Variants in XKR9 observed in about 807,000 individuals in gnomAD.
The protein encoded by XKR9 is XK-related protein 9.
Under a neutral mutation model 32.0 loss-of-function variants are expected in XKR9, and 32 were observed. The observed-to-expected ratio is 1.00, with a 90% CI of 0.76 to 1.34. The LOEUF is 1.34. XKR9 is among the 40% of genes most tolerant of loss of function. The pLI, the probability that XKR9 is intolerant of heterozygous loss-of-function variation, is 0.00. For synonymous variants in XKR9, 168 were observed against 143.4 expected (o/e 1.17, Z -1.22); for missense variants, 546 against 429.7 (o/e 1.27, Z -2.39).
the XKR9 span, among the ~76,000 whole-genome samples, chr8:70,821,573 C>G: frequency 6.6e-6 from 1 of 152,212 alleles, no homozygotes; most frequent in Non-Finnish European, 1.5e-5. Flanking sequence ...AAACTTCTGC[C>G]TAGACATCCA....
the XKR9 span, among the ~76,000 whole-genome samples, chr8:70,910,309 G>A: frequency 1.3e-5 from 2 of 152,072 alleles, no homozygotes; most frequent in East Asian, 1.9e-4. Context: ...ATTATATGTT[G>A]TTGTGGACAC....
the XKR9 span, among the ~76,000 whole-genome samples, chr8:70,945,581 AT>A: frequency 0.32 from 48,196 of 150,660 alleles, 8,961 homozygotes; most frequent in Non-Finnish European, 0.43. Flanking sequence ...ACTAATCGCT[AT>A]TTTTTTTTTG....
At chr8:71,039,475 G>A in the XKR9 span, among the ~76,000 whole-genome samples, 3 of 152,094 alleles carry the variant, frequency 2.0e-5, no homozygotes, top group African/African-American at 7.2e-5. Context: ...CAAAATGGCT[G>A]TATGAGTTCT....
At chr8:70,938,935 G>GA in the XKR9 span, among the ~76,000 whole-genome samples, 19 of 146,678 alleles carry the variant, frequency 1.3e-4, no homozygotes, top group East Asian at 9.8e-4. Context: ...CTCCTACCAG[G>GA]AAAAAAAAAG....
chr8:70,913,853 G>A, the XKR9 span, among the ~76,000 whole-genome samples: 1 of 151,980 alleles, frequency 6.6e-6, no homozygotes, highest in African/African-American at 2.4e-5. Context: ...CTTTTAAATT[G>A]TATATTCCTT....
chr8:70,764,693 C>G (rs1563472894), intron 2 of XKR9, among the ~76,000 whole-genome samples: 1 of 152,036 alleles, frequency 6.6e-6, no homozygotes, highest in Non-Finnish European at 1.5e-5. Context: ...CTGCACCCAT[C>G]AAGCCGTCAT....
chr8:70,924,237 T>TTTA, the XKR9 span, among the ~76,000 whole-genome samples: 1 of 152,172 alleles, frequency 6.6e-6, no homozygotes, highest in African/African-American at 2.4e-5. Flanking sequence ...ATTATCTTAG[T>TTTA]TTAGACTTTC....
the XKR9 span, among the ~76,000 whole-genome samples, chr8:70,845,202 A>G: frequency 8.5e-5 from 13 of 152,186 alleles, no homozygotes; most frequent in African/African-American, 3.1e-4. Context: ...AAGAAATCAT[A>G]TAGAGACTAC....
the XKR9 span, among the ~76,000 whole-genome samples, chr8:70,891,464 C>T: frequency 6.6e-6 from 1 of 151,846 alleles, no homozygotes; most frequent in South Asian, 2.1e-4. Flanking sequence ...TTTGCTGTAC[C>T]ACATAGGTTT....
the XKR9 span, among the ~76,000 whole-genome samples, chr8:70,834,656 A>T: frequency 3.2e-4 from 49 of 152,290 alleles, no homozygotes; most frequent in South Asian, 0.01. Flanking sequence ...CTACCAGAAG[A>T]AGGTGTAATA....
chr8:71,018,740 G>A, the XKR9 span, among the ~76,000 whole-genome samples: 1 of 152,104 alleles, frequency 6.6e-6, no homozygotes, highest in East Asian at 1.9e-4. Flanking sequence ...TTAGACAGTA[G>A]GGTAAGAATA....
At chr8:70,972,864 C>G in the XKR9 span, among the ~76,000 whole-genome samples, 3 of 152,070 alleles carry the variant, frequency 2.0e-5, no homozygotes, top group African/African-American at 4.8e-5. Flanking sequence ...ATTCAGTTAG[C>G]TAGTATTTTG....
chr8:70,777,419 G>A (rs9772132), intron 2 of XKR9, among the ~76,000 whole-genome samples: 111 of 152,196 alleles, frequency 7.3e-4, no homozygotes, highest in Non-Finnish European at 1.1e-3. Flanking sequence ...ATAAACATAC[G>A]TGTGCATGTG....
chr8:70,849,168 A>G, the XKR9 span, among the ~76,000 whole-genome samples: 1 of 152,202 alleles, frequency 6.6e-6, no homozygotes, highest in Non-Finnish European at 1.5e-5. Context: ...CATCGCACTT[A>G]TTCTAAAATT....
chr8:70,763,762 C>T lies in XKR9; in HGVS notation n.353-25577C>T, dbSNP rs575862748. ...TGCAAACAGTGGTGTTGCTCCTCTT[C>T]AAATTATTATTCAAATGTACTGGTG... is the stretch of plus-strand genomic sequence containing the variant. On this transcript the variant is annotated intron_variant and non_coding_transcript_variant, in intron 2 of 3. Coordinates refer to the XKR9 transcript ENST00000520273. Among the ~76,000 whole-genome samples the T allele has an allele frequency of 1.2e-4, 19 of 152,306 alleles. 1 individual carries two copies. In the South Asian group the frequency reaches 2.9e-3, roughly 23 times the overall value.
At chr8:70,811,347 T>C in the XKR9 span, among the ~76,000 whole-genome samples, 1 of 152,134 alleles carries the variant, frequency 6.6e-6, no homozygotes, top group African/African-American at 2.4e-5. Flanking sequence ...AGGAAAGATC[T>C]ACAATTGACA....
the XKR9 span, among the ~76,000 whole-genome samples, chr8:70,799,469 T>C: frequency 6.6e-6 from 1 of 152,162 alleles, no homozygotes; most frequent in African/African-American, 2.4e-5. Context: ...TAGCTGGGAC[T>C]ACTGGTGCGT....
intron 2 of XKR9, among the ~76,000 whole-genome samples, chr8:70,771,753 T>C (rs879812186): frequency 3.3e-5 from 5 of 152,170 alleles, no homozygotes; most frequent in Non-Finnish European, 4.4e-5. Flanking sequence ...AATGATATCT[T>C]GTAGCTTGAC....
the XKR9 span, among the ~76,000 whole-genome samples, chr8:71,055,243 C>T: frequency 1.2e-4 from 19 of 152,130 alleles, 1 homozygote; most frequent in Admixed American, 1.0e-3. Flanking sequence ...CTGTGTCTCC[C>T]TCCAAGATTA....
Sources: allele counts gnomAD v4.1 joint callset (sites outside exome capture counted in the v4.1 genomes callset), GRCh38; gene constraint gnomAD v4.1.1; transcripts MANE v1.5; gene names NCBI Gene and HGNC (gene_info 2026-07-23, HGNC 2026-07-21).